RBM28: variants seen among roughly 807,000 people sequenced by gnomAD.
RBM28 encodes RNA-binding protein 28.
A neutral mutation model predicts 98.3 loss-of-function variants in RBM28; 78 were observed. The observed-to-expected ratio is 0.79, with a 90% CI of 0.66 to 0.96. The LOEUF is 0.96. RBM28 is among the 40% of genes least tolerant of loss of function. RBM28 has a pLI of 0.00. For synonymous variants in RBM28, 306 were observed against 330.9 expected (o/e 0.92, Z 0.82); for missense variants, 838 against 913.0 (o/e 0.92, Z 1.06).
chr7:128,334,919 C>T (rs999988171), intron 8 of RBM28, among the ~76,000 whole-genome samples: 4 of 152,154 alleles, frequency 2.6e-5, no homozygotes, highest in Non-Finnish European at 5.9e-5. Context: ...TCTCTCCCCT[C>T]GTCAAGCCAC....
rs1418338778 is a variant in RBM28 at position 128,307,052 on chromosome 7, T to C, written c.*3745A>G. 6.6e-6 allele frequency: 1 copy of C among 152,278 alleles called. No homozygotes were observed. Among genetic ancestry groups the C allele is most frequent in the East Asian group, 1.9e-4 (1 of 5,208 alleles). 9.4% of individuals were successfully genotyped at this position (152,278 alleles called of 1,614,324 possible). A position where few individuals can be genotyped will look rare whatever the true frequency, so the allele number is the denominator to read the frequency against. On this transcript the variant is annotated 3_prime_UTR_variant, in exon 19 of 19. Coordinates refer to ENST00000223073, the MANE Select transcript of RBM28 (RefSeq NM_018077.3). Reference sequence around the variant, plus strand: ...TCGACTTGGCCTGAGAGAAACCTCATCCTGGCCCTTAAAGTGCCAATTAAG... The same window carrying C: ...TCGACTTGGCCTGAGAGAAACCTCACCCTGGCCCTTAAAGTGCCAATTAAG...
chr7:128,324,128 G>T (rs1348068761), intron 12 of RBM28, among the ~76,000 whole-genome samples: 1 of 152,142 alleles, frequency 6.6e-6, no homozygotes, highest in Non-Finnish European at 1.5e-5. Flanking sequence ...TGACCTAGAA[G>T]AATTTTTTTA....
intron 14 of RBM28, among the ~76,000 whole-genome samples, chr7:128,319,265 T>C (rs2116335081): frequency 1.3e-5 from 2 of 152,344 alleles, no homozygotes; most frequent in South Asian, 4.1e-4. Flanking sequence ...GTTCTCAAGA[T>C]GCTTACCATC....
chr7:128,323,685 C>CA, intron 12 of RBM28, 94 bp from the exon 13 acceptor site: 1 of 1,437,510 alleles, frequency 7.0e-7, no homozygotes, highest in African/African-American at 1.4e-5. Context: ...ACTCTTTGTA[C>CA]AGGGCCCAGA....
At chr7:128,314,738 T>G (rs1796069302) in intron 17 of RBM28, 26 bp downstream of exon 17, 1 of 1,614,100 alleles carries the variant, frequency 6.2e-7, no homozygotes, top group African/African-American at 1.3e-5. Context: ...CCCACTGTTC[T>G]GTGCTTCTGC....
At position 128,324,458 on chromosome 7, in the gene RBM28, G is replaced by A. The variant is rs964146977; in HGVS notation, c.1339+101C>T. 3.9e-6 allele frequency: 6 copies of A among 1,537,196 alleles called. No homozygotes were observed. In the African/African-American group the frequency reaches 8.2e-5, roughly 21 times the overall value. ...TAACACTGTTAAAGAGAACATTTGGGTTTTTAATTTGAAACATGCTTCCAG... is the reference window on the plus strand; with the variant it reads ...TAACACTGTTAAAGAGAACATTTGGATTTTTAATTTGAAACATGCTTCCAG... On this transcript the variant is annotated intron_variant, in intron 12 of 18. Transcript: ENST00000223073.
intron 1 of RBM28, 143 bp from the exon 2 acceptor site, chr7:128,339,934 A>G: frequency 1.0e-6 from 1 of 983,482 alleles, no homozygotes; most frequent in Non-Finnish European, 1.5e-6. Flanking sequence ...GTTTGCCAAA[A>G]GTCTCAGGAG....
intron 5 of RBM28, among the ~76,000 whole-genome samples, chr7:128,337,562 CTT>C (rs57902037): frequency 7.2e-6 from 1 of 139,822 alleles, no homozygotes; most frequent in Non-Finnish European, 1.5e-5. Flanking sequence ...GCAATAACTT[CTT>C]TTTTTTTTTT....
chr7:128,324,763 G>A (rs1400457554), intron 11 of RBM28, 69 bp from the exon 12 acceptor site: 64 of 1,604,770 alleles, frequency 4.0e-5, no homozygotes, highest in Admixed American at 1.2e-4. Context: ...CCTGTAAACC[G>A]AGCACTTTGG....
chr7:128,339,895 G>A, intron 1 of RBM28, 104 bp from the exon 2 acceptor site: 2 of 1,330,668 alleles, frequency 1.5e-6, no homozygotes, highest in Non-Finnish European at 2.1e-6. Context: ...CTAAGCTAGA[G>A]GATATACTGC....
At position 128,309,267 on chromosome 7, in the gene RBM28, CA is replaced by C. The variant is rs1795928900; in HGVS notation, c.*1529del. The C allele has an allele frequency of 6.6e-6, 1 of 152,140 alleles. No individual in the cohort carries two copies. The highest frequency in any genetic ancestry group is 6.5e-5 in the Admixed American group (1 of 15,272). The allele number at this position is 152,140 out of a possible 1,614,324, so 9.4% of individuals were successfully genotyped here. A position where few individuals can be genotyped will look rare whatever the true frequency, so the allele number is the denominator to read the frequency against. ...AAAGCATACATTCTAACTGGAGAGA[CA>C]AACAATTTCAGATAGAGATTAGTGC... is the stretch of plus-strand genomic sequence containing the variant. On this transcript the variant is annotated 3_prime_UTR_variant, in exon 19 of 19. Transcript: ENST00000223073.
chr7:128,315,075 A>C (rs939197472), intron 16 of RBM28, 55 bp from the exon 17 acceptor site: 6 of 1,606,834 alleles, frequency 3.7e-6, no homozygotes, highest in South Asian at 2.2e-5. Context: ...GTTTGCTGCA[A>C]ATACTCAGCA....
chr7:128,321,532 T>G lies in RBM28; in HGVS notation c.1405-108A>C, dbSNP rs145676692. On this transcript the variant is annotated intron_variant, in intron 13 of 18. Transcript: ENST00000223073. ...GATCCTCATCCCATAACCACACATATAGAAAACGGATGGAAACTGCCCACA... is the reference window on the plus strand; with the variant it reads ...GATCCTCATCCCATAACCACACATAGAGAAAACGGATGGAAACTGCCCACA... The G allele has an allele frequency of 1.8e-4, 255 of 1,393,368 alleles. No individual in the cohort carries two copies. In the East Asian group the frequency reaches 4.8e-3, roughly 26 times the overall value. The allele number at this position is 1,393,368 out of a possible 1,614,324, so 86.3% of individuals were successfully genotyped here.
At chr7:128,328,527 A>T (rs1310694482) in intron 10 of RBM28, among the ~76,000 whole-genome samples, 2 of 152,198 alleles carry the variant, frequency 1.3e-5, no homozygotes, top group Non-Finnish European at 2.9e-5. Context: ...CATTTTTTTT[A>T]AATGATTAAA....
In RBM28 at chr7:128,313,160, T is replaced by G. The variant is rs190258737; in HGVS notation, c.2145+15A>C. Reference sequence around the variant, plus strand: ...AACCATGCCATACCAAAGCTGTATGTCCTGCAGAACTCACCTGCTCGGACG... The same window carrying G: ...AACCATGCCATACCAAAGCTGTATGGCCTGCAGAACTCACCTGCTCGGACG... On this transcript the variant is annotated intron_variant, in intron 18 of 18. Coordinates refer to ENST00000223073, the MANE Select transcript of RBM28 (RefSeq NM_018077.3). The G allele has an allele frequency of 1.2e-5, 20 of 1,607,646 alleles. No individual in the cohort carries two copies. The highest frequency in any genetic ancestry group is 1.7e-5 in the Non-Finnish European group (20 of 1,174,124).
rs538167534 is a variant in RBM28 at position 128,310,028 on chromosome 7, G to C, written c.*769C>G. On this transcript the variant is annotated 3_prime_UTR_variant, in exon 19 of 19. Transcript: ENST00000223073. ...TCAGTAGGTGTGAAGCCATCTTAAGGGGCAGACTTAATGAGGATCAAGTGT... is the reference window on the plus strand; with the variant it reads ...TCAGTAGGTGTGAAGCCATCTTAAGCGGCAGACTTAATGAGGATCAAGTGT... 17 of 152,334 alleles carry C rather than the reference G, an allele frequency of 1.1e-4. No individual in the cohort carries two copies. The highest frequency in any genetic ancestry group is 4.1e-4 in the African/African-American group (17 of 41,554). 9.4% of individuals were successfully genotyped at this position (152,334 alleles called of 1,614,324 possible).
intron 4 of RBM28, 32 bp downstream of exon 4, chr7:128,338,694 G>A (rs369264913): frequency 3.1e-4 from 442 of 1,441,432 alleles, no homozygotes; most frequent in Admixed American, 4.5e-4. Context: ...GTTAACTAAC[G>A]TAATCCACAC....
rs887249751 is a variant in RBM28, at chr7:128,309,514, T to G, written c.*1283A>C. On this transcript the variant is annotated 3_prime_UTR_variant, in exon 19 of 19. Coordinates refer to ENST00000223073, the MANE Select transcript of RBM28 (RefSeq NM_018077.3). ...CAAGAATGGTGGCGTGCACCTGTAG[T>G]CCCAGCTACTTGGGAGGGTGAGGCG... is the stretch of plus-strand genomic sequence containing the variant. The G allele has an allele frequency of 1.3e-5, 2 of 151,538 alleles. No individual in the cohort carries two copies. The highest frequency in any genetic ancestry group is 2.4e-5 in the African/African-American group (1 of 41,208). 9.4% of individuals were successfully genotyped at this position (151,538 alleles called of 1,614,324 possible).
Position 128,308,975 on chromosome 7 carries a change from A to AAAAAAC in RBM28, c.*1821_*1822insGTTTTT, listed in dbSNP as rs1795921241. 1 of 7,108 alleles carries AAAAAAC rather than the reference A, an allele frequency of 1.4e-4. No individual in the cohort carries two copies. The highest frequency in any genetic ancestry group is 3.5e-4 in the African/African-American group (1 of 2,850). The allele number at this position is 7,108 out of a possible 1,614,324, so 0.4% of individuals were successfully genotyped here. On this transcript the variant is annotated 3_prime_UTR_variant, in exon 19 of 19. Transcript: ENST00000223073. ...CTGGGCAACAGAGCAAGACTGTCTC[A>AAAAAAC]AAAAAAAAAAAAAAAAAGAAATAAC...
Sources: allele counts gnomAD v4.1 joint callset (sites outside exome capture counted in the v4.1 genomes callset), GRCh38; gene constraint gnomAD v4.1.1; transcripts MANE v1.5; gene names NCBI Gene and HGNC (gene_info 2026-07-23, HGNC 2026-07-21).